PKP3: variants seen among roughly 807,000 people sequenced by gnomAD.
PKP3 encodes plakophilin-3.
Under a neutral mutation model 76.5 loss-of-function variants are expected in PKP3, and 66 were observed. That is an observed-to-expected ratio of 0.86 (90% CI 0.71 to 1.06). The LOEUF is 1.06. Among genes scored for constraint, PKP3 ranks in the 50% least tolerant of loss-of-function variants. The probability of loss-of-function intolerance (pLI) is 0.00; values close to 1 mark genes in which losing one functional copy is unlikely to be tolerated. For missense variants in PKP3, 1,338 were observed against 1,141.0 expected (o/e 1.17, Z -2.49); for synonymous variants, 638 against 516.5 (o/e 1.24, Z -3.19).
chr11:399,924 G>T (rs1027873725), intron 5 of PKP3, 43 bp from the exon 6 acceptor site: 37 of 1,517,594 alleles, frequency 2.4e-5, no homozygotes, highest in Non-Finnish European at 3.0e-5. Flanking sequence ...ACGCGGAGGG[G>T]GTTGGAGGGC....
chr11:400,555 C>A lies in PKP3; in HGVS notation c.1587C>A (p.Cys529Ter), dbSNP rs535982399. 4.0e-6 allele frequency: 6 copies of A among 1,495,094 alleles called. No homozygotes were observed. The highest frequency in any genetic ancestry group is 2.7e-6 in the Non-Finnish European group (3 of 1,129,510). 92.6% of individuals were successfully genotyped at this position (1,495,094 alleles called of 1,614,324 possible). The change falls in exon 8 of 13, where the codon TGC becomes TGA. Residue 529 changes from cysteine (C) to a stop codon, truncating the protein, a stop_gained. Transcript: ENST00000331563. LOFTEE classifies it high-confidence loss of function. ...CGCAGAGCGTGGAGAACGCGGTGTG[C>A]GTCCTGCGGAACCTGTCCTACCGCC... ...CEDKSVENAVCVLRNLSYRLY... is the reference protein window; with the variant it reads ...CEDKSVENAV
At position 404,318 on chromosome 11, in the gene PKP3, C is replaced by T. The variant is rs1346944150; in HGVS notation, c.2353C>T (p.Arg785Trp). Residue 785 changes from arginine to tryptophan, a missense_variant, in exon 12 of 13, where the codon CGG (arginine) becomes TGG (tryptophan). By Grantham distance (101) the Arg-to-Trp change is moderately radical (BLOSUM62 -3). Coordinates refer to ENST00000331563, the MANE Select transcript of PKP3 (RefSeq NM_007183.4). The surrounding 1 kb of genome is among the most constrained non-coding windows in gnomAD (Gnocchi z 4.2). ...GTACAACAAGCTCCACCGTGACTTC[C>T]GGGCGGTACGTTTCCCGAGCCCAGG... is the stretch of plus-strand genomic sequence containing the variant. ...WQYNKLHRDF[R>W]AKGYRKEDFL... 13 of 1,611,894 alleles carry T rather than the reference C, an allele frequency of 8.1e-6. No homozygotes were observed. Among genetic ancestry groups the T allele is most frequent in the African/African-American group, 2.7e-5 (2 of 75,010 alleles).
At position 404,603 on chromosome 11, in the gene PKP3, C is replaced by T; in HGVS notation, c.*34C>T. 1.2e-6 allele frequency: 2 copies of T among 1,607,406 alleles called. No homozygotes were observed. The highest frequency in any genetic ancestry group is 8.5e-7 in the Non-Finnish European group (1 of 1,175,362). On this transcript the variant is annotated 3_prime_UTR_variant, in exon 13 of 13. Coordinates refer to ENST00000331563, the MANE Select transcript of PKP3 (RefSeq NM_007183.4). This position sits in a 1 kb window ranked among gnomAD's most constrained non-coding sequence, Gnocchi z 4.2. ...TTCTGGAGGAGAAGGTGACGTGGCCCAGCGTCCAAGGGACAGACTCAGCTC... is the reference window on the plus strand; with the variant it reads ...TTCTGGAGGAGAAGGTGACGTGGCCTAGCGTCCAAGGGACAGACTCAGCTC...
At chr11:392,702 G>C (rs143728940), upstream of PKP3, 1 of 1,286,170 alleles carries the variant, frequency 7.8e-7, no homozygotes, top group Non-Finnish European at 1.0e-6. Context: ...TCCGGACCAC[G>C]AGCCGGGTAG....
chr11:397,756 A>G, intron 4 of PKP3, 94 bp downstream of exon 4: 1 of 1,282,600 alleles, frequency 7.8e-7, no homozygotes, highest in Non-Finnish European at 1.1e-6. Flanking sequence ...AGCACCCCTC[A>G]TGATCCCCAA....
chr11:393,695 G>C (rs770702015), upstream of PKP3, among the ~76,000 whole-genome samples: 46 of 152,030 alleles, frequency 3.0e-4, no homozygotes, highest in Non-Finnish European at 6.3e-4. Context: ...CTGATCCCTG[G>C]CACTGACCCC....
Position 400,554 on chromosome 11 carries a change from G to A in PKP3, c.1586G>A (p.Cys529Tyr). 1 of 1,495,420 alleles carries A rather than the reference G, an allele frequency of 6.7e-7. No homozygotes were observed. Among genetic ancestry groups the A allele is most frequent in the Non-Finnish European group, 8.9e-7 (1 of 1,129,870 alleles). 92.6% of individuals were successfully genotyped at this position (1,495,420 alleles called of 1,614,324 possible). A position where few individuals can be genotyped will look rare whatever the true frequency, so the allele number is the denominator to read the frequency against. The change falls in exon 8 of 13, where the codon TGC becomes TAC. Residue 529 changes from cysteine (C) to tyrosine (Y), a missense_variant. By Grantham distance (194) the Cys-to-Tyr change is radical. Transcript: ENST00000331563. ...CEDKSVENAV[C>Y]VLRNLSYRLY... ...CCGCAGAGCGTGGAGAACGCGGTGTGCGTCCTGCGGAACCTGTCCTACCGC... is the reference window on the plus strand; with the variant it reads ...CCGCAGAGCGTGGAGAACGCGGTGTACGTCCTGCGGAACCTGTCCTACCGC...
At position 400,709 on chromosome 11, in the gene PKP3, G is replaced by C. The variant is rs1847141115; in HGVS notation, c.1737+4G>C. On this transcript the variant is annotated splice_donor_region_variant and intron_variant, in intron 8 of 12. Transcript: ENST00000331563. Reference sequence around the variant, plus strand: ...GCAGAGCCGGCGGCTGCGCGAGGTGGGCACCAGCCTGAGCGGGGCGTGGGG... The same window carrying C: ...GCAGAGCCGGCGGCTGCGCGAGGTGCGCACCAGCCTGAGCGGGGCGTGGGG... 1 of 1,249,682 alleles carries C rather than the reference G, an allele frequency of 8.0e-7. No individual in the cohort carries two copies. The highest frequency in any genetic ancestry group is 1.0e-6 in the Non-Finnish European group (1 of 992,764). 77.4% of individuals were successfully genotyped at this position (1,249,682 alleles called of 1,614,324 possible).
chr11:393,994 C>G (rs570573621), upstream of PKP3, among the ~76,000 whole-genome samples: 1 of 152,226 alleles, frequency 6.6e-6, no homozygotes, highest in African/African-American at 2.4e-5. Flanking sequence ...CCCAGGTCCC[C>G]GTGGCCCTGT....
In PKP3 at chr11:404,210, C is replaced by T; in HGVS notation, c.2271-26C>T. 1 of 1,610,014 alleles carries T rather than the reference C, an allele frequency of 6.2e-7. No individual in the cohort carries two copies. Among genetic ancestry groups the T allele is most frequent in the Non-Finnish European group, 8.5e-7 (1 of 1,177,708 alleles). ...CCACCCTGCTTTCTGGCTGTGTGTC[C>T]CCTCCTGACTGCCCTCCACCCTCAG... is the stretch of plus-strand genomic sequence containing the variant. On this transcript the variant is annotated intron_variant, in intron 11 of 12. Coordinates refer to ENST00000331563, the MANE Select transcript of PKP3 (RefSeq NM_007183.4). This position sits in a 1 kb window ranked among gnomAD's most constrained non-coding sequence, Gnocchi z 4.2.
Position 403,236 on chromosome 11 carries a change from G to A in PKP3, c.1896G>A (p.Leu632=). ...CGACGGAGGCGGCCGCCGGGGCGCT[G>A]CAGAACATCACGGCAGGCGACCGCA... The part of the protein sequence containing the change: ...RHTTEAAAGA[L]QNITAGDRRW... The change falls in exon 9 of 13, where the codon CTG becomes CTA. Residue 632 remains leucine, a synonymous_variant. Transcript: ENST00000331563. 1 of 1,588,324 alleles carries A rather than the reference G, an allele frequency of 6.3e-7. No homozygotes were observed. Among genetic ancestry groups the A allele is most frequent in the Admixed American group, 1.8e-5 (1 of 56,798 alleles).
chr11:398,371 C>T (rs868603500), intron 4 of PKP3, among the ~76,000 whole-genome samples: 1 of 7,518 alleles, frequency 1.3e-4, no homozygotes, highest in Non-Finnish European at 2.1e-4. Context: ...CACACACCTG[C>T]GTCACCTCCC....
At chr11:399,366 A>AC (rs547146234) in intron 5 of PKP3, among the ~76,000 whole-genome samples, 170 bp downstream of exon 5, 164 of 7,236 alleles carry the variant, frequency 0.023, no homozygotes, top group Admixed American at 0.031. Flanking sequence ...CCTCTGCCTT[A>AC]CCCCCCCACC....
intron 9 of PKP3, 78 bp downstream of exon 9, chr11:403,341 G>A (rs1302575453): frequency 5.0e-6 from 6 of 1,200,612 alleles, no homozygotes; most frequent in Admixed American, 2.6e-5. Flanking sequence ...GGAGAGGGAG[G>A]GGAGGAGGAA....
intron 1 of PKP3, 131 bp from the exon 2 acceptor site, chr11:396,477 C>CCCCTGGCCT: frequency 1.6e-6 from 1 of 621,874 alleles, no homozygotes; most frequent in Non-Finnish European, 2.8e-6. Flanking sequence ...CCCTGGTGCC[C>CCCCTGGCCT]CCCTGGCCTC....
rs147267650 is a variant in PKP3 at position 403,950 on chromosome 11, G to A, written c.2085G>A (p.Lys695=). 2.5e-5 allele frequency: 40 copies of A among 1,599,648 alleles called. No individual in the cohort carries two copies. In the African/African-American group the frequency reaches 4.8e-4, roughly 19 times the overall value. Residue 695 remains lysine, a synonymous_variant, in exon 11 of 13, where the codon AAG becomes AAA. Coordinates refer to ENST00000331563, the MANE Select transcript of PKP3 (RefSeq NM_007183.4). The stretch of plus-strand genomic sequence containing the variant: ...ACCCCCGGCCTCCCACAGCCACGAA[G>A]GTGGTGAGCCACCTGATCGAGAAGC... ...NARNKDEMST[K]VVSHLIEKLP...
At chr11:392,746 C>G, upstream of PKP3, 2 of 1,140,636 alleles carry the variant, frequency 1.8e-6, no homozygotes, top group Non-Finnish European at 1.2e-6. Context: ...CCCGACCCCA[C>G]CTGGTGGCCC....
Position 399,195 on chromosome 11 carries a change from A to T in PKP3, c.1272A>T (p.Thr424=). The change falls in exon 5 of 13, where the codon ACA becomes ACT. Residue 424 remains threonine, a splice_region_variant and synonymous_variant. Transcript: ENST00000331563. ...EQDDELRKNV[T]GILWNLSSSD... is the part of the protein sequence containing the mutation. ...ATGATGAGCTTCGCAAAAATGTCAC[A>T]GGTGCTGCCTGTCCCCTCCTCCACC... 1 of 1,574,198 alleles carries T rather than the reference A, an allele frequency of 6.4e-7. No homozygotes were observed. The highest frequency in any genetic ancestry group is 8.6e-7 in the Non-Finnish European group (1 of 1,158,740).
chr11:396,449 G>A, intron 1 of PKP3, 159 bp from the exon 2 acceptor site: 1 of 558,454 alleles, frequency 1.8e-6, no homozygotes, highest in Non-Finnish European at 3.2e-6. Flanking sequence ...AGCCATGGCA[G>A]GAATGGGGAG....
Sources: allele counts gnomAD v4.1 joint callset (sites outside exome capture counted in the v4.1 genomes callset), GRCh38; gene constraint gnomAD v4.1.1; non-coding constraint Gnocchi (gnomAD v3.1); transcripts MANE v1.5; gene names NCBI Gene and HGNC (gene_info 2026-07-23, HGNC 2026-07-21).